Variants in SMIM36 observed in about 807,000 individuals in gnomAD.
The protein encoded by SMIM36 is small integral membrane protein 36.
chr17:55,457,391 C>T (rs1909043115), intron 4 of SMIM36, among the ~76,000 whole-genome samples: 1 of 130,276 alleles, frequency 7.7e-6, no homozygotes, highest in Non-Finnish European at 1.5e-5. Context: ...GCAGAGGTTG[C>T]AGTAAGCTGA....
At chr17:55,475,587 G>A (rs1909413932) in intron 3 of SMIM36, among the ~76,000 whole-genome samples, 1 of 152,162 alleles carries the variant, frequency 6.6e-6, no homozygotes, top group African/African-American at 2.4e-5. Context: ...ATTTTTAAAT[G>A]TAGAGTGTTG....
At chr17:55,500,438 G>C (rs146302978) in intron 1 of SMIM36, among the ~76,000 whole-genome samples, 2 of 151,842 alleles carry the variant, frequency 1.3e-5, no homozygotes, top group Non-Finnish European at 2.9e-5. Flanking sequence ...AAAATTCTTA[G>C]TTCTAGTTCT....
chr17:55,519,436 G>T, the SMIM36 span, among the ~76,000 whole-genome samples: 1 of 152,188 alleles, frequency 6.6e-6, no homozygotes, highest in Admixed American at 6.5e-5. Context: ...TGGTCAAAGA[G>T]AGTTGGAGCA....
chr17:55,512,655 A>G (rs974465729), upstream of SMIM36, among the ~76,000 whole-genome samples: 1 of 152,248 alleles, frequency 6.6e-6, no homozygotes, highest in Non-Finnish European at 1.5e-5. Flanking sequence ...CATTCTCAGA[A>G]AGAGCTCACA....
At chr17:55,469,991 A>AG (rs1491475188) in intron 3 of SMIM36, among the ~76,000 whole-genome samples, 2 of 147,052 alleles carry the variant, frequency 1.4e-5, no homozygotes, top group East Asian at 3.9e-4. Context: ...TAAAAAAAAA[A>AG]CAAAAAAAAA....
At chr17:55,495,449 A>G (rs1909791568) in intron 1 of SMIM36, among the ~76,000 whole-genome samples, 1 of 152,192 alleles carries the variant, frequency 6.6e-6, no homozygotes, top group African/African-American at 2.4e-5. Flanking sequence ...GGATTCGTTC[A>G]TGAGACACAC....
chr17:55,513,073 C>T (rs1049490349), upstream of SMIM36, among the ~76,000 whole-genome samples: 1 of 152,154 alleles, frequency 6.6e-6, no homozygotes, highest in Admixed American at 6.5e-5. Context: ...TTCTGAAACA[C>T]CATAGATTTA....
At chr17:55,470,253 A>G (rs1004837089) in intron 3 of SMIM36, among the ~76,000 whole-genome samples, 12 of 152,070 alleles carry the variant, frequency 7.9e-5, no homozygotes, top group African/African-American at 2.2e-4. Flanking sequence ...TTCCCCACCG[A>G]TCCCAAAGGC....
intron 4 of SMIM36, among the ~76,000 whole-genome samples, chr17:55,455,912 G>T (rs1042980001): frequency 6.6e-6 from 1 of 151,998 alleles, no homozygotes; most frequent in Non-Finnish European, 1.5e-5. Flanking sequence ...GAGGTCAAGA[G>T]TTTGAGACCA....
At chr17:55,516,233 G>A (rs1193975180), upstream of SMIM36, among the ~76,000 whole-genome samples, 1 of 152,152 alleles carries the variant, frequency 6.6e-6, no homozygotes, top group East Asian at 1.9e-4. Context: ...AAGATGCTAT[G>A]GTGTTGGTTC....
intron 4 of SMIM36, among the ~76,000 whole-genome samples, chr17:55,460,524 A>G (rs1458068458): frequency 6.6e-6 from 1 of 152,152 alleles, no homozygotes; most frequent in Non-Finnish European, 1.5e-5. Flanking sequence ...GCTTGATGCC[A>G]TTTATGTAAT....
intron 1 of SMIM36, among the ~76,000 whole-genome samples, chr17:55,483,973 C>G (rs1361427056): frequency 2.6e-5 from 4 of 152,128 alleles, no homozygotes; most frequent in African/African-American, 9.7e-5. Flanking sequence ...TTTTCTTTCT[C>G]TCTCTCTCTA....
intron 4 of SMIM36, among the ~76,000 whole-genome samples, chr17:55,450,790 C>T (rs909846441): frequency 5.3e-5 from 8 of 152,256 alleles, no homozygotes; most frequent in Non-Finnish European, 1.0e-4. Flanking sequence ...CACAGTAACA[C>T]TGGAGAGTCC....
chr17:55,495,246 T>C (rs1291373768), intron 1 of SMIM36, among the ~76,000 whole-genome samples: 3 of 152,184 alleles, frequency 2.0e-5, no homozygotes, highest in Non-Finnish European at 4.4e-5. Context: ...AACATTATGA[T>C]GGAAATGACC....
rs192810517 is a variant in SMIM36 at position 55,453,204 on chromosome 17, C to A, written c.*532-2906G>T. Reference sequence around the variant, plus strand: ...GGTGGTAAACACCTGTAGTCCCAAGCCACTTGCAAGACTGAGGCGGGAAGA... The same window carrying A: ...GGTGGTAAACACCTGTAGTCCCAAGACACTTGCAAGACTGAGGCGGGAAGA... On this transcript the variant is annotated intron_variant, in intron 4 of 4. Coordinates refer to ENST00000636752, the Ensembl canonical transcript of SMIM36. Among the ~76,000 whole-genome samples the A allele has an allele frequency of 1.9e-4, 29 of 152,174 alleles. No individual in the cohort carries two copies. In the East Asian group the frequency reaches 4.0e-3, roughly 21 times the overall value.
At chr17:55,471,382 G>T (rs1048442343) in intron 3 of SMIM36, among the ~76,000 whole-genome samples, 1 of 152,044 alleles carries the variant, frequency 6.6e-6, no homozygotes, top group Non-Finnish European at 1.5e-5. Flanking sequence ...ACTCAAAGGG[G>T]TACTGAGTAT....
chr17:55,491,279 G>GA (rs1346904178), intron 1 of SMIM36, among the ~76,000 whole-genome samples: 4 of 139,136 alleles, frequency 2.9e-5, no homozygotes, highest in Non-Finnish European at 3.1e-5. Context: ...AGGGCGGTCA[G>GA]AAAAAAAATC....
chr17:55,478,055 G>A (rs1909455614), intron 3 of SMIM36, among the ~76,000 whole-genome samples: 1 of 151,986 alleles, frequency 6.6e-6, no homozygotes, highest in African/African-American at 2.4e-5. Context: ...AATTAGCTGG[G>A]TATGATGGTA....
At chr17:55,498,668 G>A (rs1424109994) in intron 1 of SMIM36, among the ~76,000 whole-genome samples, 1 of 151,140 alleles carries the variant, frequency 6.6e-6, no homozygotes, top group Non-Finnish European at 1.5e-5. Context: ...CATTTTTTTA[G>A]TTGAGGAAAA....
Sources: allele counts gnomAD v4.1 joint callset (sites outside exome capture counted in the v4.1 genomes callset), GRCh38; gene constraint gnomAD v4.1.1; transcripts MANE v1.5; gene names NCBI Gene and HGNC (gene_info 2026-07-23, HGNC 2026-07-21).